MACROD2: variants seen among roughly 807,000 people sequenced by gnomAD.
MACROD2 encodes the protein mono-ADP ribosylhydrolase 2.
A neutral mutation model predicts 70.4 loss-of-function variants in MACROD2; 36 were observed. The observed-to-expected ratio is 0.51, with a 90% confidence interval of 0.39 to 0.68. The LOEUF is 0.68. Ranked by LOEUF, MACROD2 falls within the 30% of genes least tolerant of loss-of-function variation. The pLI is 0.00. For synonymous variants in MACROD2, 172 were observed against 178.8 expected, an observed-to-expected ratio of 0.96 and a Z score of 0.30; for missense variants, 496 against 538.4, an observed-to-expected ratio of 0.92 and a Z score of 0.78.
At chr20:14,380,299 A>G (rs781431171) in intron 3 of MACROD2, among the ~76,000 whole-genome samples, 39 of 152,074 alleles carry the variant, frequency 2.6e-4, no homozygotes, top group Non-Finnish European at 4.4e-5. Flanking sequence ...AGTTGGGTAG[A>G]GTTCTGGATA....
chr20:14,651,514 A>T (rs185786657), intron 4 of MACROD2, among the ~76,000 whole-genome samples: 45 of 152,306 alleles, frequency 3.0e-4, no homozygotes, highest in African/African-American at 1.0e-3. Flanking sequence ...ATATAGGAGT[A>T]ATAAGTGATG....
intron 3 of MACROD2, among the ~76,000 whole-genome samples, chr20:14,257,697 C>T (rs964538789): frequency 7.2e-5 from 11 of 152,008 alleles, no homozygotes; most frequent in African/African-American, 2.4e-4. Flanking sequence ...TGAAGGAGTT[C>T]TGTAATTTAG....
chr20:15,627,150 T>C (rs867858525), intron 8 of MACROD2, among the ~76,000 whole-genome samples: 4 of 149,566 alleles, frequency 2.7e-5, no homozygotes, highest in Middle Eastern at 3.4e-3. Context: ...ATTTGGATCA[T>C]GTTCAGGGAA....
chr20:14,242,592 A>G (rs2081938650), intron 3 of MACROD2, among the ~76,000 whole-genome samples: 1 of 152,206 alleles, frequency 6.6e-6, no homozygotes, highest in Admixed American at 6.5e-5. Flanking sequence ...TGGATGACAG[A>G]TAACATTTAG....
chr20:15,294,889 G>A (rs186419836), intron 6 of MACROD2, among the ~76,000 whole-genome samples: 1 of 152,144 alleles, frequency 6.6e-6, no homozygotes, highest in Non-Finnish European at 1.5e-5. Context: ...TAGGCATCAG[G>A]GAGAGGCAAA....
chr20:15,147,447 C>T (rs1317787135), intron 5 of MACROD2, among the ~76,000 whole-genome samples: 2 of 147,378 alleles, frequency 1.4e-5, no homozygotes, highest in African/African-American at 5.0e-5. Context: ...TTTTTTTTTA[C>T]CCAGCCAGGG....
intron 1 of MACROD2, among the ~76,000 whole-genome samples, chr20:14,001,660 T>C (rs1461457195): frequency 3.9e-5 from 6 of 152,232 alleles, no homozygotes; most frequent in Admixed American, 2.6e-4. Context: ...AAGGATAGCA[T>C]TGGCATCTGT....
chr20:15,812,960 T>C (rs1231477050), intron 8 of MACROD2, among the ~76,000 whole-genome samples: 1 of 152,176 alleles, frequency 6.6e-6, no homozygotes, highest in Non-Finnish European at 1.5e-5. Context: ...TTTGATATGC[T>C]CACTTGGAAT....
chr20:15,959,181 G>A (rs1232279364), intron 12 of MACROD2, among the ~76,000 whole-genome samples: 1 of 152,098 alleles, frequency 6.6e-6, no homozygotes, highest in Non-Finnish European at 1.5e-5. Context: ...GTTCTTGTAA[G>A]TTTTTTACAG....
At chr20:15,617,145 G>T (rs974621091) in intron 8 of MACROD2, among the ~76,000 whole-genome samples, 1 of 151,992 alleles carries the variant, frequency 6.6e-6, no homozygotes, top group African/African-American at 2.4e-5. Flanking sequence ...ACCAGGCTTT[G>T]TGCTCTTTTT....
intron 5 of MACROD2, among the ~76,000 whole-genome samples, chr20:15,217,186 T>G (rs1443542874): frequency 6.6e-6 from 1 of 152,136 alleles, no homozygotes; most frequent in African/African-American, 2.4e-5. Flanking sequence ...AATCATGAAC[T>G]TTGAGAGTAT....
At chr20:15,716,351 G>A (rs2050707420) in intron 8 of MACROD2, among the ~76,000 whole-genome samples, 1 of 152,152 alleles carries the variant, frequency 6.6e-6, no homozygotes, top group African/African-American at 2.4e-5. Context: ...GCCAGTGTAA[G>A]GTGTTTAAGA....
intron 7 of MACROD2, among the ~76,000 whole-genome samples, chr20:15,490,664 A>G (rs1330839402): frequency 6.6e-6 from 1 of 152,194 alleles, no homozygotes; most frequent in Non-Finnish European, 1.5e-5. Flanking sequence ...GGAATGAGAA[A>G]AAGTTTGAGA....
intron 3 of MACROD2, among the ~76,000 whole-genome samples, chr20:14,309,537 G>C (rs2122512821): frequency 6.6e-6 from 1 of 152,224 alleles, no homozygotes; most frequent in East Asian, 1.9e-4. Flanking sequence ...GATATTCTAA[G>C]TAATACCTGT....
chr20:15,833,052 G>GA (rs545758290), intron 8 of MACROD2, among the ~76,000 whole-genome samples: 378 of 152,120 alleles, frequency 2.5e-3, no homozygotes, highest in Non-Finnish European at 4.5e-3. Context: ...AAATTATCTG[G>GA]AAAAAAGTCT....
intron 7 of MACROD2, among the ~76,000 whole-genome samples, chr20:15,447,950 G>A (rs1357514336): frequency 6.6e-6 from 1 of 151,980 alleles, no homozygotes; most frequent in Non-Finnish European, 1.5e-5. Context: ...CTTGTGAGAG[G>A]CCATGACATT....
chr20:14,049,649 A>G (rs1349447043), intron 2 of MACROD2, among the ~76,000 whole-genome samples: 3 of 151,752 alleles, frequency 2.0e-5, no homozygotes, highest in African/African-American at 7.3e-5. Context: ...GCTACTAAGG[A>G]GGCTGAGGCA....
intron 8 of MACROD2, among the ~76,000 whole-genome samples, chr20:15,585,874 G>A (rs535216638): frequency 6.6e-5 from 10 of 151,958 alleles, no homozygotes; most frequent in South Asian, 2.1e-4. Context: ...ACCAAAACCC[G>A]TCACACTATC....
intron 4 of MACROD2, among the ~76,000 whole-genome samples, chr20:14,514,583 C>T (rs758001034): frequency 3.1e-4 from 47 of 152,094 alleles, no homozygotes; most frequent in Non-Finnish European, 6.0e-4. Context: ...TCTGTTAAAC[C>T]ACTGAATTTT....
Sources: allele counts gnomAD v4.1 joint callset (sites outside exome capture counted in the v4.1 genomes callset), GRCh38; gene constraint gnomAD v4.1.1; transcripts MANE v1.5; gene names NCBI Gene and HGNC (gene_info 2026-07-23, HGNC 2026-07-21).